Variants in SOX5 observed in about 807,000 individuals in gnomAD.
SOX5 encodes the protein transcription factor SOX-5.
In SOX5, 9 loss-of-function variants were observed where a neutral mutation model predicts 92.0. That is an observed-to-expected ratio of 0.10 (90% confidence interval 0.06 to 0.17). The LOEUF is 0.17. SOX5 is among the 10% of genes least tolerant of loss of function. SOX5 has a pLI of 1.00. For missense variants in SOX5, 642 were observed against 944.5 expected (o/e 0.68, Z 4.20); for synonymous variants, 344 against 336.3 (o/e 1.02, Z -0.25).
chr12:23,849,060 G>T (rs1287903742), intron 2 of SOX5, among the ~76,000 whole-genome samples: 1 of 152,022 alleles, frequency 6.6e-6, no homozygotes, highest in Non-Finnish European at 1.5e-5. Flanking sequence ...TGAACACGTC[G>T]AAAGAAATAT....
intron 1 of SOX5, among the ~76,000 whole-genome samples, chr12:24,513,594 G>A (rs1057154430): frequency 6.6e-6 from 1 of 152,106 alleles, no homozygotes; most frequent in Non-Finnish European, 1.5e-5. Flanking sequence ...TGTTAATATC[G>A]GGGAACATCG....
At chr12:23,808,668 A>G (rs12307605) in intron 3 of SOX5, among the ~76,000 whole-genome samples, 1,696 of 152,270 alleles carry the variant, frequency 0.011, 35 homozygotes, top group African/African-American at 0.039. Context: ...ACTAGTGGGC[A>G]TCTTTCCATA....
chr12:24,547,658 A>G (rs954802251), intron 1 of SOX5, among the ~76,000 whole-genome samples: 2 of 152,210 alleles, frequency 1.3e-5, no homozygotes, highest in Admixed American at 1.3e-4. Flanking sequence ...TTTTAATGGT[A>G]TCTAATTGAT....
chr12:23,982,958 T>C (rs893571697), intron 4 of SOX5, among the ~76,000 whole-genome samples: 1 of 152,008 alleles, frequency 6.6e-6, no homozygotes, highest in African/African-American at 2.4e-5. Context: ...TATGGAACAG[T>C]GTAGTAGGTG....
intron 4 of SOX5, among the ~76,000 whole-genome samples, chr12:24,048,496 C>T (rs1342872984): frequency 2.0e-5 from 3 of 151,962 alleles, no homozygotes; most frequent in African/African-American, 4.8e-5. Flanking sequence ...GGCATATACC[C>T]AAGAAAAATG....
At chr12:23,770,580 T>A (rs1439477557) in intron 3 of SOX5, among the ~76,000 whole-genome samples, 1 of 152,166 alleles carries the variant, frequency 6.6e-6, no homozygotes, top group Non-Finnish European at 1.5e-5. Flanking sequence ...TACTTTGTTA[T>A]GGAACTTATA....
intron 7 of SOX5, among the ~76,000 whole-genome samples, chr12:23,657,815 T>C (rs1433425759): frequency 3.3e-5 from 5 of 152,224 alleles, no homozygotes; most frequent in Non-Finnish European, 7.4e-5. Flanking sequence ...CTTATGTTTA[T>C]ACATTGTGAA....
intron 1 of SOX5, among the ~76,000 whole-genome samples, chr12:23,900,422 T>C (rs552227003): frequency 6.6e-6 from 1 of 152,186 alleles, no homozygotes; most frequent in Non-Finnish European, 1.5e-5. Flanking sequence ...GTCTCCAATG[T>C]GTTCAGACAT....
intron 6 of SOX5, among the ~76,000 whole-genome samples, chr12:23,676,088 G>A: frequency 6.6e-6 from 1 of 152,068 alleles, no homozygotes; most frequent in East Asian, 1.9e-4. Flanking sequence ...AAAATGGGGA[G>A]ATGTAGGTCA....
intron 4 of SOX5, among the ~76,000 whole-genome samples, chr12:24,089,070 A>T (rs1020237234): frequency 6.6e-6 from 1 of 152,132 alleles, no homozygotes; most frequent in Non-Finnish European, 1.5e-5. Context: ...GCAAATGAAA[A>T]ATACTGGTTT....
intron 1 of SOX5, among the ~76,000 whole-genome samples, chr12:24,376,878 AT>A (rs33940692): frequency 3.9e-4 from 54 of 139,906 alleles, no homozygotes; most frequent in African/African-American, 8.6e-4. Flanking sequence ...AATTTTTTGA[AT>A]TTTTTTTTTT....
rs34043702 is a variant in SOX5, at chr12:23,741,659, G to A, written c.569-620C>T. 2.4e-3 allele frequency among the ~76,000 whole-genome samples: 362 copies of A among 152,166 alleles called. 1 individual carries two copies. The highest frequency in any genetic ancestry group is 3.7e-3 in the Non-Finnish European group (254 of 67,984). On this transcript the variant is annotated intron_variant, in intron 4 of 14. Coordinates refer to ENST00000451604, the MANE Select transcript of SOX5 (RefSeq NM_006940.6). ...TATCTAGCCAATCAAGTTTTAGAGC[G>A]TATTCCCCATATGCCAATTCAGAGT...
intron 1 of SOX5, among the ~76,000 whole-genome samples, chr12:24,483,661 G>A (rs1946226231): frequency 6.6e-6 from 1 of 152,162 alleles, no homozygotes; most frequent in Non-Finnish European, 1.5e-5. Context: ...TAAGCTTATG[G>A]CATCAATACC....
chr12:24,121,478 A>G (rs149136977), intron 4 of SOX5, among the ~76,000 whole-genome samples: 137 of 152,164 alleles, frequency 9.0e-4, no homozygotes, highest in African/African-American at 3.1e-3. Flanking sequence ...ATGACGAAGC[A>G]TGGGTGGAAC....
intron 4 of SOX5, among the ~76,000 whole-genome samples, chr12:24,021,958 A>G (rs1000774479): frequency 6.6e-6 from 1 of 152,160 alleles, no homozygotes; most frequent in African/African-American, 2.4e-5. Flanking sequence ...TTTCTCATGT[A>G]TATTATGTAT....
intron 4 of SOX5, among the ~76,000 whole-genome samples, chr12:24,067,733 CGCAAT>C (rs749481377): frequency 2.6e-5 from 4 of 151,870 alleles, no homozygotes; most frequent in African/African-American, 9.7e-5. Flanking sequence ...CAATACTTAA[CGCAAT>C]CAGTAAACAA....
chr12:24,399,332 T>A (rs947272254), intron 1 of SOX5, among the ~76,000 whole-genome samples: 2 of 152,210 alleles, frequency 1.3e-5, no homozygotes, highest in Non-Finnish European at 2.9e-5. Context: ...TCTTCTCTGG[T>A]TGAACAAACT....
intron 1 of SOX5, chr12:24,368,686 G>C (rs973626275): frequency 6.6e-6 from 1 of 152,092 alleles, no homozygotes; most frequent in African/African-American, 2.4e-5. Context: ...TTCATTAAAT[G>C]GTACAGTGCT....
chr12:24,202,827 A>G (rs770469889), intron 4 of SOX5, among the ~76,000 whole-genome samples: 2 of 152,154 alleles, frequency 1.3e-5, no homozygotes, highest in Non-Finnish European at 2.9e-5. Flanking sequence ...ATATCTCATT[A>G]CTGGTGATGT....
Sources: gnomAD v4.1 joint callset for allele counts (sites outside exome capture counted in the v4.1 genomes callset) on GRCh38, gnomAD v4.1.1 for gene constraint, MANE v1.5 for transcripts, NCBI Gene and HGNC (gene_info 2026-07-23, HGNC 2026-07-21) for gene names.